Variants in C19orf53 observed in about 807,000 individuals in gnomAD.
C19orf53 encodes chromosome 19 open reading frame 53.
C19orf53 carries 9 observed loss-of-function variants against 6.5 expected under a neutral mutation model. That is an observed-to-expected ratio of 1.38 (90% CI 0.83 to 2.40). C19orf53 has a LOEUF of 2.40. Ranked by LOEUF, C19orf53 falls within the 30% of genes most tolerant of loss-of-function variation. The pLI is 0.00. For synonymous variants in C19orf53, 68 were observed against 52.5 expected (o/e 1.29, Z -1.27); for missense variants, 166 against 129.7 (o/e 1.28, Z -1.36).
At chr19:13,774,743 C>T (rs772707287) in intron 2 of C19orf53, 36 bp downstream of exon 2, 29 of 1,560,720 alleles carry the variant, frequency 1.9e-5, no homozygotes, top group Admixed American at 9.0e-5. Context: ...CGGAGGGCGG[C>T]GAGTAGCGAG....
At chr19:13,776,945 G>GTTTTTGTTTTTTGTTTTTTGT (rs57467060) in intron 2 of C19orf53, among the ~76,000 whole-genome samples, 8 of 151,732 alleles carry the variant, frequency 5.3e-5, no homozygotes, top group Admixed American at 1.3e-4. Flanking sequence ...CATTGGAACT[G>GTTTTTGTTTTTTGTTTTTTGT]TTTTTGTTTT....
chr19:13,774,683 C>T lies in C19orf53; in HGVS notation c.129C>T (p.Val43=), dbSNP rs1974346190. The T allele has an allele frequency of 2.1e-5, 33 of 1,608,392 alleles. No individual in the cohort carries two copies. The highest frequency in any genetic ancestry group is 2.6e-5 in the Non-Finnish European group (31 of 1,175,404). ...TTATCGCTCCCAAGAAGGCGCGCGT[C>T]GTGCAGCAGCAAAAGCTCAAGAAGG... is the stretch of plus-strand genomic sequence containing the variant. ...GRVIAPKKAR[V]VQQQKLKKNL... is the part of the protein sequence containing the mutation. The change falls in exon 2 of 3, where the codon GTC becomes GTT. Residue 43 remains valine (V), a synonymous_variant. Transcript: ENST00000588234.
chr19:13,776,320 A>G (rs1006634813), intron 2 of C19orf53, among the ~76,000 whole-genome samples: 5 of 151,186 alleles, frequency 3.3e-5, no homozygotes, highest in African/African-American at 1.2e-4. Context: ...CCCGCCTCCC[A>G]TCTTCTTGGC....
Position 13,778,415 on chromosome 19 carries a change from C to T in C19orf53, c.*217C>T, listed in dbSNP as rs1330752504. On this transcript the variant is annotated 3_prime_UTR_variant, in exon 3 of 3. Coordinates refer to ENST00000588234, the MANE Select transcript of C19orf53 (RefSeq NM_014047.3). The stretch of plus-strand genomic sequence containing the variant: ...CTGTCCCCGTGCCCCTTCCCAGGTC[C>T]TGCCTCCACAGGTTTAACCCAGAAC... The T allele has an allele frequency of 1.2e-5, 6 of 487,332 alleles. No individual in the cohort carries two copies. The highest frequency in any genetic ancestry group is 1.2e-4 in the African/African-American group (6 of 50,832). The allele number at this position is 487,332 out of a possible 1,614,324, so 30.2% of individuals were successfully genotyped here. A position where few individuals can be genotyped will look rare whatever the true frequency, so the allele number is the denominator to read the frequency against.
Position 13,778,159 on chromosome 19 carries a change from A to G in C19orf53, c.261A>G (p.Lys87=). Residue 87 remains lysine (K), a synonymous_variant, in exon 3 of 3, where the codon AAA becomes AAG. Transcript: ENST00000588234. ...TGCTGAAGGCCCCAGCCAAGAAGAA[A>G]GGGGCAGCTGCCGCCACCTCCTCCA... ...LALLKAPAKK[K]GAAAATSSKT... The G allele has an allele frequency of 6.2e-7, 1 of 1,611,682 alleles. No homozygotes were observed. Among genetic ancestry groups the G allele is most frequent in the Non-Finnish European group, 8.5e-7 (1 of 1,178,570 alleles).
chr19:13,774,621 C>G (rs1974344438), intron 1 of C19orf53, 31 bp from the exon 2 acceptor site: 4 of 1,612,954 alleles, frequency 2.5e-6, no homozygotes, highest in Non-Finnish European at 3.4e-6. Flanking sequence ...CCCCCGGCTT[C>G]CCGGCCTCAC....
intron 2 of C19orf53, among the ~76,000 whole-genome samples, chr19:13,776,068 C>T (rs1974367867): frequency 6.6e-6 from 1 of 151,194 alleles, no homozygotes; most frequent in Non-Finnish European, 1.5e-5. Flanking sequence ...AGCGATTTTC[C>T]TCCCTCAGCC....
At position 13,774,509 on chromosome 19, in the gene C19orf53, A is replaced by C; in HGVS notation, c.32A>C (p.His11Pro). The C allele has an allele frequency of 1.2e-6, 2 of 1,613,194 alleles. No individual in the cohort carries two copies. The highest frequency in any genetic ancestry group is 1.7e-4 in the Middle Eastern group (1 of 6,058). The change falls in exon 1 of 3, where the codon CAC becomes CCC. Residue 11 changes from histidine to proline, a missense_variant. By Grantham distance (77) the His-to-Pro change is moderately conservative. Transcript: ENST00000588234. Reference protein sequence around the residue: MAQGQRKFQAHKPAKSKTAAA... With the variant: MAQGQRKFQAPKPAKSKTAAA... ...CAGGGGCAGCGCAAGTTTCAGGCGC[A>C]CAAACCCGCAAAGAGTAAGACGGCA...
intron 2 of C19orf53, among the ~76,000 whole-genome samples, chr19:13,777,834 G>A (rs1288181401): frequency 6.6e-6 from 1 of 152,210 alleles, no homozygotes; most frequent in Non-Finnish European, 1.5e-5. Flanking sequence ...ATGAGCAGAG[G>A]TTTAGAAGCC....
chr19:13,778,276 ACT>A lies in C19orf53; in HGVS notation c.*79_*80del. ...CCTTGCAAGTCATCCCACAGGCTGCACTGTCAGGAAGAGGACCCTGTCCCCCA... is the reference window on the plus strand; with the variant it reads ...CCTTGCAAGTCATCCCACAGGCTGCAGTCAGGAAGAGGACCCTGTCCCCCA... On this transcript the variant is annotated 3_prime_UTR_variant, in exon 3 of 3. Coordinates refer to ENST00000588234, the MANE Select transcript of C19orf53 (RefSeq NM_014047.3). The A allele has an allele frequency of 6.9e-7, 1 of 1,458,442 alleles. No individual in the cohort carries two copies. Among genetic ancestry groups the A allele is most frequent in the Non-Finnish European group, 9.1e-7 (1 of 1,098,716 alleles). 90.3% of individuals were successfully genotyped at this position (1,458,442 alleles called of 1,614,324 possible).
chr19:13,776,521 C>G (rs990213103), intron 2 of C19orf53, among the ~76,000 whole-genome samples: 1 of 152,138 alleles, frequency 6.6e-6, no homozygotes, highest in African/African-American at 2.4e-5. Context: ...GTCCAGTCCT[C>G]ACTCAGCCAC....
At position 13,778,276 on chromosome 19, in the gene C19orf53, A is replaced by C; in HGVS notation, c.*78A>C. ...CCTTGCAAGTCATCCCACAGGCTGC[A>C]CTGTCAGGAAGAGGACCCTGTCCCC... On this transcript the variant is annotated 3_prime_UTR_variant, in exon 3 of 3. Coordinates refer to ENST00000588234, the MANE Select transcript of C19orf53 (RefSeq NM_014047.3). The C allele has an allele frequency of 6.9e-7, 1 of 1,458,442 alleles. No homozygotes were observed. 90.3% of individuals were successfully genotyped at this position (1,458,442 alleles called of 1,614,324 possible). A position where few individuals can be genotyped will look rare whatever the true frequency, so the allele number is the denominator to read the frequency against.
chr19:13,778,307 C>G lies in C19orf53; in HGVS notation c.*109C>G, dbSNP rs559451058. 63 of 1,338,230 alleles carry G rather than the reference C, an allele frequency of 4.7e-5. No homozygotes were observed. The South Asian group carries it at 1.1e-3, about 23-fold the overall frequency. The allele number at this position is 1,338,230 out of a possible 1,614,324, so 82.9% of individuals were successfully genotyped here. ...AGGAAGAGGACCCTGTCCCCCAGCA[C>G]TGGGCTTCACCTAGAACTTCAGTGG... On this transcript the variant is annotated 3_prime_UTR_variant, in exon 3 of 3. Coordinates refer to ENST00000588234, the MANE Select transcript of C19orf53 (RefSeq NM_014047.3).
rs765333714 is a variant in C19orf53 at position 13,774,481 on chromosome 19, G to C, written c.4G>C (p.Ala2Pro). M[A>P]QGQRKFQAHK... ...CTCTTCCGCTGCGTGCCGGACCATG[G>C]CGCAGGGGCAGCGCAAGTTTCAGGC... The change falls in exon 1 of 3, where the codon GCG (alanine) becomes CCG (proline). Residue 2 changes from alanine to proline, a missense_variant. Transcript: ENST00000588234. 3 of 1,604,118 alleles carry C rather than the reference G, an allele frequency of 1.9e-6. No individual in the cohort carries two copies. The highest frequency in any genetic ancestry group is 2.6e-6 in the Non-Finnish European group (3 of 1,175,666).
chr19:13,778,212 A>G lies in C19orf53; in HGVS notation c.*14A>G. On this transcript the variant is annotated 3_prime_UTR_variant, in exon 3 of 3. Coordinates refer to ENST00000588234, the MANE Select transcript of C19orf53 (RefSeq NM_014047.3). ...ACACCTTCCTGAGGACGCTGGCCCC[A>G]GTGCAGGCCAACATCCCACCCCCTA... is the stretch of plus-strand genomic sequence containing the variant. 2 of 1,576,414 alleles carry G rather than the reference A, an allele frequency of 1.3e-6. No individual in the cohort carries two copies. Among genetic ancestry groups the G allele is most frequent in the Non-Finnish European group, 1.7e-6 (2 of 1,158,230 alleles).
At position 13,778,037 on chromosome 19, in the gene C19orf53, G is replaced by A. The variant is rs141902877; in HGVS notation, c.154-15G>A. On this transcript the variant is annotated splice_polypyrimidine_tract_variant and intron_variant, in intron 2 of 2. Transcript: ENST00000588234. ...CCCCAGGTCACAATCTGACTGCCCC[G>A]TGCTTCTCCCTCAGAACCTAGAAGT... is the stretch of plus-strand genomic sequence containing the variant. 1.3e-5 allele frequency: 21 copies of A among 1,602,062 alleles called. No individual in the cohort carries two copies. The highest frequency in any genetic ancestry group is 2.0e-4 in the Middle Eastern group (1 of 5,070).
chr19:13,777,240 C>G (rs1974380431), intron 2 of C19orf53, among the ~76,000 whole-genome samples: 1 of 140,112 alleles, frequency 7.1e-6, no homozygotes, highest in South Asian at 2.4e-4. Context: ...CCACTGCACC[C>G]AGCCGGAACT....
chr19:13,774,597 G>A, intron 1 of C19orf53, 23 bp downstream of exon 1: 1 of 1,613,452 alleles, frequency 6.2e-7, no homozygotes, highest in Non-Finnish European at 8.5e-7. Flanking sequence ...CCGGGGACTT[G>A]GGGGCGAGGT....
At chr19:13,777,965 T>TGCG in intron 2 of C19orf53, 87 bp from the exon 3 acceptor site, 1 of 1,502,718 alleles carries the variant, frequency 6.7e-7, no homozygotes, top group Non-Finnish European at 9.0e-7. Context: ...TCTAGCCCCC[T>TGCG]GCGAGCTCTA....
Sources: allele counts gnomAD v4.1 joint callset (sites outside exome capture counted in the v4.1 genomes callset), GRCh38; gene constraint gnomAD v4.1.1; transcripts MANE v1.5; gene names NCBI Gene and HGNC (gene_info 2026-07-23, HGNC 2026-07-21).